The following MAX variants were observed in gnomAD, a reference collection of about 807,000 sequenced individuals.
The protein encoded by MAX is MYC associated transcriptional regulator X.
A neutral mutation model predicts 22.3 loss-of-function variants in MAX; 3 were observed. That is an observed-to-expected ratio of 0.13 (90% CI 0.06 to 0.35). MAX has a LOEUF of 0.35. Ranked by LOEUF, MAX falls within the 10% of genes least tolerant of loss-of-function variation. The pLI is 1.00. For missense variants in MAX, 119 were observed against 209.4 expected (o/e 0.57, Z 2.66); for synonymous variants, 72 against 77.7 (o/e 0.93, Z 0.39).
chr14:65,047,057 A>C lies in MAX; in HGVS notation c.172-40773T>G, dbSNP rs898503899. On this transcript the variant is annotated intron_variant, in intron 3 of 3. Transcript: ENST00000341653. This position sits in a 1 kb window ranked among gnomAD's most constrained non-coding sequence, Gnocchi z 5.2. ...CAAACCAGTAAGAAATGGATGGACA[A>C]CCCAACTGAAAAACAGGCAAAGGAT... Among the ~76,000 whole-genome samples the C allele has an allele frequency of 2.0e-5, 3 of 152,334 alleles. No individual in the cohort carries two copies. In the South Asian group the frequency reaches 6.2e-4, roughly 32 times the overall value.
At chr14:65,053,830 C>T (rs2062668928) in intron 3 of MAX, among the ~76,000 whole-genome samples, 1 of 152,138 alleles carries the variant, frequency 6.6e-6, no homozygotes, top group Non-Finnish European at 1.5e-5. Flanking sequence ...TGTCTTCCCC[C>T]ATCCCAGCAC....
chr14:65,084,912 GC>G lies in MAX; in HGVS notation c.172-6877del, dbSNP rs2063289443. On this transcript the variant is annotated intron_variant, in intron 3 of 4. Transcript: ENST00000358664. This position sits in a 1 kb window ranked among gnomAD's most constrained non-coding sequence, Gnocchi z 4.3. Reference sequence around the variant, plus strand: ...CAGCTTTTGGGGAGAAAAAAAGGAGGCAGGTTTCTTTTCACATCCACTTTAA... The same window carrying G: ...CAGCTTTTGGGGAGAAAAAAAGGAGGAGGTTTCTTTTCACATCCACTTTAA... Among the ~76,000 whole-genome samples the G allele has an allele frequency of 6.6e-6, 1 of 152,080 alleles. No homozygotes were observed. Among genetic ancestry groups the G allele is most frequent in the African/African-American group, 2.4e-5 (1 of 41,416 alleles).
In MAX at chr14:65,079,473, T is replaced by C. The variant is rs1487973776; in HGVS notation, c.172-1437A>G. Among the ~76,000 whole-genome samples, 2 of 152,176 alleles carry C rather than the reference T, an allele frequency of 1.3e-5. No individual in the cohort carries two copies. Among genetic ancestry groups the C allele is most frequent in the African/African-American group, 2.4e-5 (1 of 41,428 alleles). On this transcript the variant is annotated intron_variant, in intron 3 of 4. Transcript: ENST00000358664. The surrounding 1 kb of genome is among the most constrained non-coding windows in gnomAD (Gnocchi z 4.5). Reference sequence around the variant, plus strand: ...GGAGATTCTCTCCAGGCTACAAACATAGTCAGAGTTACTTATGGCCAGGCA... The same window carrying C: ...GGAGATTCTCTCCAGGCTACAAACACAGTCAGAGTTACTTATGGCCAGGCA...
Position 65,084,076 on chromosome 14 carries a change from ACCATTT to A in MAX, c.172-6046_172-6041del. 2.5e-6 allele frequency: 4 copies of A among 1,598,698 alleles called. No individual in the cohort carries two copies. Among genetic ancestry groups the A allele is most frequent in the Non-Finnish European group, 3.4e-6 (4 of 1,170,108 alleles). On this transcript the variant is annotated intron_variant, in intron 3 of 4. Transcript: ENST00000358664. This position sits in a 1 kb window ranked among gnomAD's most constrained non-coding sequence, Gnocchi z 4.3. ...CTGCCAGGGCCTCCCCAGCCACAGG[ACCATTT>A]TGCTGATTACCAGGGTAAGGCAGAG...
intron 3 of MAX, among the ~76,000 whole-genome samples, chr14:65,006,645 C>T (rs1322817181): frequency 6.6e-6 from 1 of 152,248 alleles, no homozygotes; most frequent in African/African-American, 2.4e-5. Context: ...GGCTGAGTCA[C>T]TGTCCACTGC....
intron 3 of MAX, among the ~76,000 whole-genome samples, chr14:65,091,064 G>A (rs2063493043): frequency 6.6e-6 from 1 of 152,134 alleles, no homozygotes; most frequent in South Asian, 2.1e-4. Context: ...AACACAGAGA[G>A]ACCCAAATCA....
chr14:65,058,320 C>A (rs2062788247), intron 3 of MAX, among the ~76,000 whole-genome samples: 1 of 149,080 alleles, frequency 6.7e-6, no homozygotes, highest in Non-Finnish European at 1.5e-5. Context: ...TGACTGGAAT[C>A]TTTTCTTATT....
intron 2 of MAX, among the ~76,000 whole-genome samples, 199 bp downstream of exon 2, chr14:65,101,347 A>G (rs1365852866): frequency 1.3e-5 from 2 of 152,156 alleles, no homozygotes; most frequent in East Asian, 3.8e-4. Context: ...AGAATCACTG[A>G]ACTTATCACC....
Position 65,082,880 on chromosome 14 carries a change from A to G in MAX, c.172-4844T>C, listed in dbSNP as rs2063234421. On this transcript the variant is annotated intron_variant, in intron 3 of 4. Transcript: ENST00000358664. The surrounding 1 kb of genome is among the most constrained non-coding windows in gnomAD (Gnocchi z 4.8). Reference sequence around the variant, plus strand: ...TGAGAACTAAACAGGCTTCTAGCAGAAACACATTGAAAGGAAAAGCCTCAA... The same window carrying G: ...TGAGAACTAAACAGGCTTCTAGCAGGAACACATTGAAAGGAAAAGCCTCAA... Among the ~76,000 whole-genome samples, 1 of 152,214 alleles carries G rather than the reference A, an allele frequency of 6.6e-6. No individual in the cohort carries two copies. Among genetic ancestry groups the G allele is most frequent in the African/African-American group, 2.4e-5 (1 of 41,464 alleles).
rs371205798 is a variant in MAX at position 65,047,136 on chromosome 14, A to C, written c.172-40852T>G. ...TGTCCTTCTTACTTTTTCTACTACA[A>C]CTGCCACTACTACTGGTAGCGGAGT... On this transcript the variant is annotated intron_variant, in intron 3 of 3. Transcript: ENST00000341653. This position sits in a 1 kb window ranked among gnomAD's most constrained non-coding sequence, Gnocchi z 5.2. Among the ~76,000 whole-genome samples the C allele has an allele frequency of 6.6e-6, 1 of 152,208 alleles. No homozygotes were observed. Among genetic ancestry groups the C allele is most frequent in the Admixed American group, 6.5e-5 (1 of 15,284 alleles).
At position 65,032,520 on chromosome 14, in the gene MAX, A is replaced by T; in HGVS notation, c.172-26236T>A. On this transcript the variant is annotated intron_variant, in intron 3 of 3. Coordinates refer to the MAX transcript ENST00000341653. This position sits in a 1 kb window ranked among gnomAD's most constrained non-coding sequence, Gnocchi z 5.0. ...GGACAGGAGGTGATTACAGCTTACT[A>T]GGCAAGGCGAGCAGTCCGCCCGCGG... 1 of 1,419,476 alleles carries T rather than the reference A, an allele frequency of 7.0e-7. No homozygotes were observed. The highest frequency in any genetic ancestry group is 9.6e-7 in the Non-Finnish European group (1 of 1,046,120). The allele number at this position is 1,419,476 out of a possible 1,614,324, so 87.9% of individuals were successfully genotyped here.
intron 3 of MAX, among the ~76,000 whole-genome samples, chr14:65,080,929 A>G (rs1325115882): frequency 3.9e-5 from 6 of 152,260 alleles, no homozygotes; most frequent in African/African-American, 7.2e-5. Context: ...ATTAGGATCA[A>G]GAAGTGAAAA....
Position 65,044,484 on chromosome 14 carries a change from C to G in MAX, c.172-38200G>C. ...TGTTCACTTGGGGCTGGATGATTTC[C>G]CTCCACTACTCACAAAGTCTGGAAG... is the stretch of plus-strand genomic sequence containing the variant. On this transcript the variant is annotated intron_variant, in intron 3 of 3. Coordinates refer to the MAX transcript ENST00000341653. The surrounding 1 kb of genome is among the most constrained non-coding windows in gnomAD (Gnocchi z 5.5). The G allele has an allele frequency of 1.9e-6, 3 of 1,573,872 alleles. No homozygotes were observed. The highest frequency in any genetic ancestry group is 2.6e-6 in the Non-Finnish European group (3 of 1,164,768).
rs570214325 is a variant in MAX at position 65,053,328 on chromosome 14, G to A, written c.171+40380C>T. 6 of 1,451,210 alleles carry A rather than the reference G, an allele frequency of 4.1e-6. No homozygotes were observed. The East Asian group carries it at 7.9e-5, about 19-fold the overall frequency. The allele number at this position is 1,451,210 out of a possible 1,614,324, so 89.9% of individuals were successfully genotyped here. On this transcript the variant is annotated intron_variant, in intron 3 of 3. Transcript: ENST00000341653. The stretch of plus-strand genomic sequence containing the variant: ...ATGTGCTGCCAGTGCCCTGCGGGGG[G>A]GCTTCTGGATAAACCTGGCAAGTGA...
chr14:65,091,220 A>C (rs1462497324), intron 3 of MAX, among the ~76,000 whole-genome samples: 1 of 152,126 alleles, frequency 6.6e-6, no homozygotes, highest in East Asian at 1.9e-4. Flanking sequence ...CACTTAAAAA[A>C]ACGCCAGGTT....
At position 65,077,450 on chromosome 14, in the gene MAX, G is replaced by A. The variant is rs367997098; in HGVS notation, c.295+463C>T. The A allele has an allele frequency of 5.0e-5, 76 of 1,528,008 alleles. No homozygotes were observed. The highest frequency in any genetic ancestry group is 6.6e-5 in the Non-Finnish European group (73 of 1,101,634). The allele number at this position is 1,528,008 out of a possible 1,614,324, so 94.7% of individuals were successfully genotyped here. On this transcript the variant is annotated intron_variant, in intron 4 of 4. Transcript: ENST00000358664. The surrounding 1 kb of genome is among the most constrained non-coding windows in gnomAD (Gnocchi z 6.3). ...TCCCCTGTGGTTGTAGGAAAAGGCG[G>A]GTGTGAGCATTGAGAACAGCATGGG...
chr14:65,057,676 G>C (rs766411997), intron 3 of MAX, among the ~76,000 whole-genome samples: 16 of 152,176 alleles, frequency 1.1e-4, no homozygotes, highest in Non-Finnish European at 2.1e-4. Flanking sequence ...CTTCTAAATA[G>C]TCTAAAGCTT....
In MAX at chr14:65,078,970, A is replaced by G. The variant is rs1315847620; in HGVS notation, c.172-934T>C. The stretch of plus-strand genomic sequence containing the variant: ...TCAAAATCACCAGCTGCACAGTAGC[A>G]TGGCCTGGCTTTAAACTCAGAGCCA... On this transcript the variant is annotated intron_variant, in intron 3 of 4. Coordinates refer to ENST00000358664, the MANE Select transcript of MAX (RefSeq NM_002382.5). This position sits in a 1 kb window ranked among gnomAD's most constrained non-coding sequence, Gnocchi z 6.4. 1.3e-5 allele frequency among the ~76,000 whole-genome samples: 2 copies of G among 152,224 alleles called. No individual in the cohort carries two copies. Among genetic ancestry groups the G allele is most frequent in the Admixed American group, 6.5e-5 (1 of 15,280 alleles).
At position 65,093,561 on chromosome 14, in the gene MAX, A is replaced by T; in HGVS notation, c.171+147T>A. On this transcript the variant is annotated intron_variant, in intron 3 of 4. Coordinates refer to ENST00000358664, the MANE Select transcript of MAX (RefSeq NM_002382.5). This position sits in a 1 kb window ranked among gnomAD's most constrained non-coding sequence, Gnocchi z 4.4. ...ACTGGAGTACGTAAGGTGTGCAGTG[A>T]TCCTCCAAACAGTCAAAAATAAGGC... 1 of 692,998 alleles carries T rather than the reference A, an allele frequency of 1.4e-6. No homozygotes were observed. The allele number at this position is 692,998 out of a possible 1,614,324, so 42.9% of individuals were successfully genotyped here.
Sources: gnomAD v4.1 joint callset for allele counts (sites outside exome capture counted in the v4.1 genomes callset) on GRCh38, gnomAD v4.1.1 for gene constraint, Gnocchi (gnomAD v3.1) non-coding constraint, MANE v1.5 for transcripts, NCBI Gene and HGNC (gene_info 2026-07-23, HGNC 2026-07-21) for gene names.